Variants in GRIN2B observed in about 807,000 individuals in gnomAD.
GRIN2B encodes the protein glutamate receptor ionotropic, NMDA 2B.
In GRIN2B, 5 loss-of-function variants were observed where a neutral mutation model predicts 114.5. That is an observed-to-expected ratio of 0.04 (90% CI 0.02 to 0.09). The LOEUF (loss-of-function observed/expected upper bound fraction) is 0.09, where lower values mean the gene tolerates loss of function less well. GRIN2B is among the 10% of genes least tolerant of loss of function. The probability of loss-of-function intolerance (pLI) is 1.00; values close to 1 mark genes in which losing one functional copy is unlikely to be tolerated. For missense variants in GRIN2B, 1,108 were observed against 1,943.5 expected, an observed-to-expected ratio of 0.57 and a Z score of 8.08; for synonymous variants, 787 against 745.1, an observed-to-expected ratio of 1.06 and a Z score of -0.92.
chr12:13,843,246 C>T (rs908126243), intron 3 of GRIN2B, among the ~76,000 whole-genome samples: 3 of 151,584 alleles, frequency 2.0e-5, no homozygotes, highest in Non-Finnish European at 2.9e-5. Context: ...CACACACACT[C>T]GCACAGACAC....
chr12:13,607,381 T>TAAA (rs1274177036), intron 10 of GRIN2B, among the ~76,000 whole-genome samples: 1,168 of 71,134 alleles, frequency 0.016, 49 homozygotes, highest in Non-Finnish European at 0.022. Flanking sequence ...ATATTATATA[T>TAAA]ATAATATATA....
intron 2 of GRIN2B, among the ~76,000 whole-genome samples, chr12:13,891,832 C>G (rs1866267673): frequency 6.6e-6 from 1 of 152,042 alleles, no homozygotes; most frequent in Non-Finnish European, 1.5e-5. Flanking sequence ...GTGCTCAGAC[C>G]CAGAAGAAGC....
chr12:13,625,526 A>AT (rs1358284005), intron 5 of GRIN2B, among the ~76,000 whole-genome samples: 3 of 152,094 alleles, frequency 2.0e-5, no homozygotes, highest in Non-Finnish European at 4.4e-5. Context: ...AGTATTTGCT[A>AT]TTTTTTCCTC....
chr12:13,613,123 G>A (rs1805530), intron 8 of GRIN2B, among the ~76,000 whole-genome samples: 2 of 152,106 alleles, frequency 1.3e-5, no homozygotes, highest in South Asian at 2.1e-4. Flanking sequence ...CTAGAGATGC[G>A]AGCGTAAGAG....
At chr12:13,674,551 G>A (rs953212063) in intron 5 of GRIN2B, among the ~76,000 whole-genome samples, 1 of 151,986 alleles carries the variant, frequency 6.6e-6, no homozygotes, top group Admixed American at 6.6e-5. Context: ...GCTGTCCAGG[G>A]CTCTCTGTGA....
intron 2 of GRIN2B, among the ~76,000 whole-genome samples, chr12:13,964,157 A>G (rs1000503274): frequency 6.6e-6 from 1 of 152,156 alleles, no homozygotes; most frequent in Non-Finnish European, 1.5e-5. Context: ...TATTATCTGA[A>G]TCACATTCAT....
In GRIN2B at chr12:13,549,754, T is replaced by C. The variant is rs1307204586; in HGVS notation, c.*13029A>G. ...TACCCTATAGAATTCAAAAACATTT[T>C]TATTTGACCAAGTTTTCTTCACCGT... On this transcript the variant is annotated 3_prime_UTR_variant, in exon 14 of 14. Transcript: ENST00000609686. 1 of 152,204 alleles carries C rather than the reference T, an allele frequency of 6.6e-6. No individual in the cohort carries two copies. Among genetic ancestry groups the C allele is most frequent in the Non-Finnish European group, 1.5e-5 (1 of 68,028 alleles). The allele number at this position is 152,204 out of a possible 1,614,324, so 9.4% of individuals were successfully genotyped here. A position where few individuals can be genotyped will look rare whatever the true frequency, so the allele number is the denominator to read the frequency against.
chr12:13,920,303 G>A lies in GRIN2B; in HGVS notation c.-18-54077C>T, dbSNP rs207472664. 2.0e-5 allele frequency among the ~76,000 whole-genome samples: 3 copies of A among 151,122 alleles called. No individual in the cohort carries two copies. The East Asian group carries it at 5.8e-4, about 29-fold the overall frequency. On this transcript the variant is annotated intron_variant, in intron 2 of 13. Transcript: ENST00000609686. ...AGAGTAGGAGGTGAAGTGAAAAAAT[G>A]AGAGTCAACAGAATTAAATTTCCCC...
intron 3 of GRIN2B, among the ~76,000 whole-genome samples, chr12:13,780,925 A>C (rs61912127): frequency 0.025 from 3,771 of 152,190 alleles, 57 homozygotes; most frequent in South Asian, 0.035. Context: ...AAATGGAATA[A>C]ATTTTATAGA....
At chr12:13,571,256 C>G (rs1948705030) in intron 11 of GRIN2B, among the ~76,000 whole-genome samples, 1 of 152,160 alleles carries the variant, frequency 6.6e-6, no homozygotes, top group African/African-American at 2.4e-5. Context: ...AACAAAGGGA[C>G]CAGTGTGGCT....
Position 13,981,332 on chromosome 12 carries a change from C to G in GRIN2B, c.-448+10G>C, listed in dbSNP as rs917449361. On this transcript the variant is annotated intron_variant, in intron 1 of 13. Transcript: ENST00000609686. ...TCAAAGGAGAGACTCCAAAGCCCAT[C>G]TTTACGTACCGGCTCCGAGCGCCTC... is the stretch of plus-strand genomic sequence containing the variant. 4 of 152,380 alleles carry G rather than the reference C, an allele frequency of 2.6e-5. No homozygotes were observed. The highest frequency in any genetic ancestry group is 5.9e-5 in the Non-Finnish European group (4 of 68,108). 9.4% of individuals were successfully genotyped at this position (152,380 alleles called of 1,614,324 possible). A position where few individuals can be genotyped will look rare whatever the true frequency, so the allele number is the denominator to read the frequency against.
chr12:13,768,308 A>G (rs751969691), intron 3 of GRIN2B, among the ~76,000 whole-genome samples: 1 of 152,224 alleles, frequency 6.6e-6, no homozygotes, highest in Non-Finnish European at 1.5e-5. Flanking sequence ...GGGCCTGGCT[A>G]GAAAAATGAG....
At chr12:13,565,534 C>A (rs967381302) in intron 13 of GRIN2B, among the ~76,000 whole-genome samples, 1 of 152,180 alleles carries the variant, frequency 6.6e-6, no homozygotes, top group Non-Finnish European at 1.5e-5. Context: ...GCAGGAGAGG[C>A]AACGGGCTGG....
In GRIN2B at chr12:13,955,980, C is replaced by T. The variant is rs530589055; in HGVS notation, c.-19+23948G>A. Among the ~76,000 whole-genome samples the T allele has an allele frequency of 3.8e-3, 575 of 152,160 alleles. 2 individuals are homozygous for T. Among genetic ancestry groups the T allele is most frequent in the African/African-American group, 0.013 (554 of 41,502 alleles). ...GGGCTGTTGCGAATACAGAGTGATA[C>T]GTAAGAATGCAGGAGAGAAAAATGC... On this transcript the variant is annotated intron_variant, in intron 2 of 13. Transcript: ENST00000609686.
intron 2 of GRIN2B, among the ~76,000 whole-genome samples, chr12:13,961,550 CAA>C: frequency 6.6e-6 from 1 of 152,112 alleles, no homozygotes; most frequent in Non-Finnish European, 1.5e-5. Flanking sequence ...GAAAATGTAA[CAA>C]AGTGCAAAAA....
intron 4 of GRIN2B, among the ~76,000 whole-genome samples, chr12:13,690,251 T>A (rs1950204225): frequency 6.6e-6 from 1 of 150,392 alleles, no homozygotes; most frequent in Non-Finnish European, 1.5e-5. Flanking sequence ...ACTTCCTCAC[T>A]TCTCATTCCC....
chr12:13,780,467 T>C (rs941832932), intron 3 of GRIN2B, among the ~76,000 whole-genome samples: 3 of 152,200 alleles, frequency 2.0e-5, no homozygotes, highest in African/African-American at 7.2e-5. Context: ...CAACCATGGC[T>C]TCATTTCAAC....
At chr12:13,811,471 C>T (rs972005349) in intron 3 of GRIN2B, among the ~76,000 whole-genome samples, 12 of 152,202 alleles carry the variant, frequency 7.9e-5, no homozygotes, top group Admixed American at 7.2e-4. Context: ...TTTTCAGCTA[C>T]TTGGAAGACT....
chr12:13,848,164 C>A (rs545477296), intron 3 of GRIN2B, among the ~76,000 whole-genome samples: 1 of 152,286 alleles, frequency 6.6e-6, no homozygotes, highest in South Asian at 2.1e-4. Flanking sequence ...CAGGAAAGTA[C>A]CTTCCGTTTA....
Sources: allele counts gnomAD v4.1 joint callset (sites outside exome capture counted in the v4.1 genomes callset), GRCh38; gene constraint gnomAD v4.1.1; transcripts MANE v1.5; gene names NCBI Gene and HGNC (gene_info 2026-07-23, HGNC 2026-07-21).